DLST: variants seen among roughly 807,000 people sequenced by gnomAD.
DLST encodes the protein dihydrolipoyllysine-residue succinyltransferase component of 2-oxoglutarate dehydrogenase complex, mitochondrial.
Under a neutral mutation model 53.1 loss-of-function variants are expected in DLST, and 17 were observed. The observed-to-expected ratio is 0.32, with a 90% CI of 0.22 to 0.48. The LOEUF (loss-of-function observed/expected upper bound fraction) is 0.48, where lower values mean the gene tolerates loss of function less well. DLST is among the 20% of genes least tolerant of loss of function. The probability of loss-of-function intolerance (pLI) is 0.99; values close to 1 mark genes in which losing one functional copy is unlikely to be tolerated. For synonymous variants in DLST, 206 were observed against 204.8 expected (o/e 1.01, Z -0.05); for missense variants, 512 against 583.9 (o/e 0.88, Z 1.27).
intron 1 of DLST, 90 bp from the exon 2 acceptor site, chr14:74,882,501 A>G: frequency 1.5e-6 from 2 of 1,325,542 alleles, no homozygotes. Flanking sequence ...TGTCACCACC[A>G]CTGGGACAGC....
rs975453714 is a variant in DLST, at chr14:74,889,030, C to T, written c.147-65C>T. 9 of 1,568,206 alleles carry T rather than the reference C, an allele frequency of 5.7e-6. No individual in the cohort carries two copies. In the African/African-American group the frequency reaches 1.2e-4, roughly 22 times the overall value. On this transcript the variant is annotated intron_variant, in intron 3 of 14. Transcript: ENST00000334220. ...TTAAGGGGAAGGTGACCCATGGGGC[C>T]TTAACTAGACTAAAATGTGAGTGGT...
At chr14:74,884,442 T>G (rs1431328942) in intron 2 of DLST, among the ~76,000 whole-genome samples, 1 of 152,196 alleles carries the variant, frequency 6.6e-6, no homozygotes, top group Non-Finnish European at 1.5e-5. Flanking sequence ...GCATTTGGGC[T>G]CAGGGATTCA....
At chr14:74,884,811 G>A (rs1288224145) in intron 2 of DLST, among the ~76,000 whole-genome samples, 1 of 152,176 alleles carries the variant, frequency 6.6e-6, no homozygotes, top group African/African-American at 2.4e-5. Flanking sequence ...CTCATTTGGT[G>A]TGTCCTGAGC....
In DLST at chr14:74,891,101, CT is replaced by C; in HGVS notation, c.380del (p.Leu127TrpfsTer76). 6.2e-7 allele frequency: 1 copy of C among 1,614,040 alleles called. No individual in the cohort carries two copies. Among genetic ancestry groups the C allele is most frequent in the Non-Finnish European group, 8.5e-7 (1 of 1,180,018 alleles). The stretch of plus-strand genomic sequence containing the variant: ...ACCAGCAAATGGCGTGATTGAAGCT[CT>C]TTTGGTACCTGATGGGGGAAAAGTC... ...PSPANGVIEA[L>X]LVPDGGKVEG... On this transcript the variant is annotated frameshift_variant, in exon 7 of 15. Transcript: ENST00000334220. LOFTEE classifies it high-confidence loss of function.
intron 2 of DLST, among the ~76,000 whole-genome samples, chr14:74,883,260 A>C (rs974434445): frequency 4.7e-5 from 7 of 147,672 alleles, no homozygotes; most frequent in African/African-American, 1.3e-4. Flanking sequence ...GCGCCACTGC[A>C]CTCCAGCCTG....
At chr14:74,899,856 A>G in intron 11 of DLST, 67 bp from the exon 12 acceptor site, 1 of 1,272,276 alleles carries the variant, frequency 7.9e-7, no homozygotes, top group Non-Finnish European at 1.1e-6. Context: ...CTGTTAATGC[A>G]CATATTACCT....
At chr14:74,891,955 A>G in intron 7 of DLST, 1 of 650,030 alleles carries the variant, frequency 1.5e-6, no homozygotes, top group African/African-American at 2.0e-5. Context: ...AACCCTGGAT[A>G]TAATGTCCAG....
chr14:74,901,978 T>C (rs1177185903), intron 14 of DLST, among the ~76,000 whole-genome samples: 1 of 152,110 alleles, frequency 6.6e-6, no homozygotes, highest in Non-Finnish European at 1.5e-5. Flanking sequence ...AAAAGGCAGT[T>C]GTGAGAAGAC....
intron 11 of DLST, among the ~76,000 whole-genome samples, chr14:74,899,627 C>T (rs376406355): frequency 1.3e-5 from 2 of 152,148 alleles, no homozygotes; most frequent in East Asian, 1.9e-4. Flanking sequence ...AGCTACTTAA[C>T]GAGAGTTTAG....
Position 74,895,148 on chromosome 14 carries a change from C to T in DLST, c.770+739C>T, listed in dbSNP as rs572674859. On this transcript the variant is annotated intron_variant, in intron 10 of 14. Coordinates refer to ENST00000334220, the MANE Select transcript of DLST (RefSeq NM_001933.5). ...GGGCTGAGATGGGAGGATTGTTTGA[C>T]CCCGTCACTTACATATTTTCCTAAG... Among the ~76,000 whole-genome samples the T allele has an allele frequency of 2.4e-4, 37 of 152,216 alleles. No homozygotes were observed. The South Asian group carries it at 7.7e-3, about 32-fold the overall frequency.
intron 3 of DLST, among the ~76,000 whole-genome samples, chr14:74,888,813 G>C (rs1319612007): frequency 6.6e-6 from 1 of 152,190 alleles, no homozygotes; most frequent in East Asian, 1.9e-4. Context: ...TGTTTTGTGA[G>C]AGTTGGCATT....
chr14:74,896,758 T>C (rs531756434), intron 10 of DLST, among the ~76,000 whole-genome samples: 1 of 152,384 alleles, frequency 6.6e-6, no homozygotes, highest in South Asian at 2.1e-4. Context: ...AATTGGACTT[T>C]GAAATTCTAC....
intron 2 of DLST, among the ~76,000 whole-genome samples, chr14:74,884,645 GT>G (rs1883642311): frequency 1.3e-5 from 2 of 152,190 alleles, no homozygotes; most frequent in Admixed American, 6.5e-5. Context: ...TGGACTCCAG[GT>G]TCCCAAAATC....
chr14:74,902,369 C>A lies in DLST; in HGVS notation c.*39C>A. 6.4e-7 allele frequency: 1 copy of A among 1,563,656 alleles called. No individual in the cohort carries two copies. The highest frequency in any genetic ancestry group is 8.7e-7 in the Non-Finnish European group (1 of 1,147,166). On this transcript the variant is annotated 3_prime_UTR_variant, in exon 15 of 15. Coordinates refer to ENST00000334220, the MANE Select transcript of DLST (RefSeq NM_001933.5). ...ACCCTACAAGTTGATCATGCAGGAACTGAAAACCAGTCTTCTCCCTGTCCC... is the reference window on the plus strand; with the variant it reads ...ACCCTACAAGTTGATCATGCAGGAAATGAAAACCAGTCTTCTCCCTGTCCC...
intron 3 of DLST, among the ~76,000 whole-genome samples, chr14:74,887,496 G>A (rs1308596044): frequency 1.3e-5 from 2 of 152,114 alleles, no homozygotes; most frequent in African/African-American, 4.8e-5. Flanking sequence ...TGTGTGTTGT[G>A]CCTTTTTTGT....
intron 2 of DLST, among the ~76,000 whole-genome samples, chr14:74,882,965 T>G (rs1257986373): frequency 3.3e-5 from 5 of 152,108 alleles, no homozygotes; most frequent in Non-Finnish European, 7.4e-5. Context: ...GAAACGAGGG[T>G]GGACAGAAGA....
chr14:74,889,006 T>C, intron 3 of DLST, 89 bp from the exon 4 acceptor site: 1 of 1,355,006 alleles, frequency 7.4e-7, no homozygotes, highest in South Asian at 1.2e-5. Flanking sequence ...AGTCACTGTT[T>C]AAGGGGAAGG....
At position 74,900,300 on chromosome 14, in the gene DLST, T is replaced by A; in HGVS notation, c.987T>A (p.Val329=). 6.2e-7 allele frequency: 1 copy of A among 1,614,012 alleles called. No homozygotes were observed. The highest frequency in any genetic ancestry group is 8.5e-7 in the Non-Finnish European group (1 of 1,179,932). The change falls in exon 13 of 15, where the codon GTT becomes GTA. Residue 329 remains valine (V), a synonymous_variant. Transcript: ENST00000334220. ...TTCACCCCCTTCAGGGTCTGGTGGT[T>A]CCAGTCATCAGGAATGTGGAAGCTA... The part of the protein sequence containing the change: ...VAVATPRGLV[V]PVIRNVEAMN...
rs933966931 is a variant in DLST, at chr14:74,891,765, G to A, written c.442+598G>A. 8.1e-6 allele frequency: 8 copies of A among 984,900 alleles called. No homozygotes were observed. In the African/African-American group the frequency reaches 1.2e-4, roughly 15 times the overall value. The allele number at this position is 984,900 out of a possible 1,614,324, so 61.0% of individuals were successfully genotyped here. The stretch of plus-strand genomic sequence containing the variant: ...TATTTCTTTTTCCTAAGCGAGAATC[G>A]TACCCGTAGACCAACGAGTCACAGA... On this transcript the variant is annotated intron_variant, in intron 7 of 14. Coordinates refer to ENST00000334220, the MANE Select transcript of DLST (RefSeq NM_001933.5).
Sources: gnomAD v4.1 joint callset for allele counts (sites outside exome capture counted in the v4.1 genomes callset) on GRCh38, gnomAD v4.1.1 for gene constraint, MANE v1.5 for transcripts, NCBI Gene and HGNC (gene_info 2026-07-23, HGNC 2026-07-21) for gene names.